The following HEMK2 variants were observed in gnomAD, a reference collection of about 807,000 sequenced individuals.
HEMK2 encodes the protein methyltransferase HEMK2.
chr21:28,761,445 C>A, the HEMK2 span, among the ~76,000 whole-genome samples: 4 of 152,098 alleles, frequency 2.6e-5, no homozygotes, highest in African/African-American at 9.6e-5. Flanking sequence ...AATTTGCCAA[C>A]CCTGCTGTAG....
the HEMK2 span, among the ~76,000 whole-genome samples, chr21:28,596,092 G>A: frequency 2.6e-5 from 4 of 151,738 alleles, no homozygotes; most frequent in Non-Finnish European, 5.9e-5. Context: ...GCCCAGGCTG[G>A]AGTGCAGTGG....
chr21:28,883,004 C>A, the HEMK2 span: 1 of 1,601,816 alleles, frequency 6.2e-7, no homozygotes, highest in Non-Finnish European at 8.5e-7. Context: ...GCCTGAGGGC[C>A]TATCATAGAG....
chr21:28,744,567 T>C, the HEMK2 span, among the ~76,000 whole-genome samples: 4 of 152,218 alleles, frequency 2.6e-5, no homozygotes, highest in South Asian at 8.3e-4. Flanking sequence ...TCCTGTTTCA[T>C]AGTAGCAAAG....
chr21:28,616,979 G>C, the HEMK2 span, among the ~76,000 whole-genome samples: 31 of 152,208 alleles, frequency 2.0e-4, no homozygotes, highest in Non-Finnish European at 1.6e-4. Context: ...ATAAAGTCTT[G>C]CTATGATAGA....
At chr21:28,662,457 C>A in the HEMK2 span, among the ~76,000 whole-genome samples, 1 of 152,132 alleles carries the variant, frequency 6.6e-6, no homozygotes, top group Non-Finnish European at 1.5e-5. Context: ...GGTCCAGGCA[C>A]CATGAAGCCA....
the HEMK2 span, among the ~76,000 whole-genome samples, chr21:28,614,415 TA>T: frequency 0.14 from 20,096 of 148,506 alleles, 1,417 homozygotes; most frequent in East Asian, 0.23. Context: ...TTTCATACAT[TA>T]AAAAAAAAAC....
At chr21:28,633,314 G>A in the HEMK2 span, among the ~76,000 whole-genome samples, 23 of 152,138 alleles carry the variant, frequency 1.5e-4, no homozygotes, top group Non-Finnish European at 2.9e-5. Flanking sequence ...CCATGAGCCA[G>A]GATGATCCAC....
chr21:28,841,451 T>TATATAA, the HEMK2 span, among the ~76,000 whole-genome samples: 1 of 93,490 alleles, frequency 1.1e-5, no homozygotes, highest in African/African-American at 4.1e-5. Flanking sequence ...ATATAAAATA[T>TATATAA]TATATATAAT....
the HEMK2 span, among the ~76,000 whole-genome samples, chr21:28,733,819 C>T: frequency 7.5e-5 from 10 of 133,756 alleles, no homozygotes; most frequent in South Asian, 2.4e-4. Context: ...TGTTGGTGTG[C>T]TGCACCCATT....
At chr21:28,627,919 C>T in the HEMK2 span, among the ~76,000 whole-genome samples, 8 of 152,118 alleles carry the variant, frequency 5.3e-5, no homozygotes, top group Admixed American at 4.6e-4. Context: ...TGGTTGCTGG[C>T]CACTACTTCA....
the HEMK2 span, among the ~76,000 whole-genome samples, chr21:28,665,121 T>TA: frequency 0.21 from 29,808 of 138,676 alleles, 3,233 homozygotes; most frequent in East Asian, 0.38. Flanking sequence ...CTACTAAACA[T>TA]AAAAAAAAAA....
chr21:28,854,529 T>G, the HEMK2 span, among the ~76,000 whole-genome samples: 2 of 151,512 alleles, frequency 1.3e-5, no homozygotes, highest in Non-Finnish European at 2.9e-5. Context: ...GAGATAGAGA[T>G]AGAGATATAT....
At chr21:28,834,787 T>C in the HEMK2 span, among the ~76,000 whole-genome samples, 1 of 152,010 alleles carries the variant, frequency 6.6e-6, no homozygotes, top group African/African-American at 2.4e-5. Flanking sequence ...TGGAAATGAA[T>C]GGGGATCTGG....
the HEMK2 span, among the ~76,000 whole-genome samples, chr21:28,733,889 G>A: frequency 1.1e-4 from 7 of 63,182 alleles, no homozygotes; most frequent in South Asian, 4.8e-4. Flanking sequence ...TCCCAGCAAC[G>A]GCAGCGCTAT....
chr21:28,722,391 A>C, the HEMK2 span, among the ~76,000 whole-genome samples: 1 of 152,226 alleles, frequency 6.6e-6, no homozygotes, highest in Non-Finnish European at 1.5e-5. Context: ...GAAGAGGCAG[A>C]AATGTGCTAA....
chr21:28,714,422 G>T, the HEMK2 span, among the ~76,000 whole-genome samples: 1 of 152,188 alleles, frequency 6.6e-6, no homozygotes. Flanking sequence ...TAGTTAGGGT[G>T]TGGAGAGTGT....
the HEMK2 span, among the ~76,000 whole-genome samples, chr21:28,883,232 T>C: frequency 6.6e-6 from 1 of 152,216 alleles, no homozygotes; most frequent in African/African-American, 2.4e-5. Flanking sequence ...AACTACTTTG[T>C]ACTTAATATT....
chr21:28,687,216 C>G, the HEMK2 span, among the ~76,000 whole-genome samples: 1 of 152,182 alleles, frequency 6.6e-6, no homozygotes, highest in Non-Finnish European at 1.5e-5. Context: ...AAGTAAATTA[C>G]AGAGATTGTA....
the HEMK2 span, among the ~76,000 whole-genome samples, chr21:28,614,412 C>T: frequency 6.9e-5 from 10 of 145,772 alleles, no homozygotes; most frequent in Non-Finnish European, 1.4e-4. Flanking sequence ...GGTTTTCATA[C>T]ATTAAAAAAA....
Sources: gnomAD v4.1 joint callset for allele counts (sites outside exome capture counted in the v4.1 genomes callset) on GRCh38, gnomAD v4.1.1 for gene constraint, MANE v1.5 for transcripts, NCBI Gene and HGNC (gene_info 2026-07-23, HGNC 2026-07-21) for gene names.